ANKRD44: variants seen among roughly 807,000 people sequenced by gnomAD.
ANKRD44 encodes the protein serine/threonine-protein phosphatase 6 regulatory ankyrin repeat subunit B.
In ANKRD44, 35 loss-of-function variants were observed where a neutral mutation model predicts 116.0. The observed-to-expected ratio is 0.30, with a 90% confidence interval of 0.23 to 0.40. The LOEUF (loss-of-function observed/expected upper bound fraction) is 0.40, where lower values mean the gene tolerates loss of function less well. ANKRD44 is among the 10% of genes least tolerant of loss of function. The probability of loss-of-function intolerance (pLI) is 1.00; values close to 1 mark genes in which losing one functional copy is unlikely to be tolerated. For synonymous variants in ANKRD44, 435 were observed against 461.8 expected, an observed-to-expected ratio of 0.94 and a Z score of 0.74; for missense variants, 1,014 against 1,242.6, an observed-to-expected ratio of 0.82 and a Z score of 2.77.
chr2:197,098,733 C>T (rs1472613307), intron 10 of ANKRD44, among the ~76,000 whole-genome samples: 1 of 152,128 alleles, frequency 6.6e-6, no homozygotes, highest in East Asian at 1.9e-4. Flanking sequence ...TTACCAGATA[C>T]CAAAGAGCTT....
At chr2:197,271,153 C>A (rs2082887769) in intron 1 of ANKRD44, among the ~76,000 whole-genome samples, 1 of 152,154 alleles carries the variant, frequency 6.6e-6, no homozygotes, top group African/African-American at 2.4e-5. Flanking sequence ...GGTCTGGACA[C>A]ACAAAAACAT....
chr2:197,183,192 A>G (rs1232028591), intron 2 of ANKRD44, among the ~76,000 whole-genome samples: 1 of 152,178 alleles, frequency 6.6e-6, no homozygotes, highest in African/African-American at 2.4e-5. Context: ...GGATCAGTTA[A>G]TGAATGGGTG....
rs536981769 is a variant in ANKRD44, at chr2:197,206,580, G to A, written c.28-19474C>T. Among the ~76,000 whole-genome samples the A allele has an allele frequency of 5.3e-5, 8 of 152,266 alleles. No homozygotes were observed. The East Asian group carries it at 1.4e-3, about 26-fold the overall frequency. ...CGCCTGTAATCCCAGCTACTCGGGA[G>A]GCTGAGGTAGGAGAATGGCTTGAAC... On this transcript the variant is annotated intron_variant, in intron 1 of 27. Coordinates refer to ENST00000282272, the MANE Select transcript of ANKRD44 (RefSeq NM_001195144.2).
At chr2:197,294,542 AC>A (rs1269298829) in intron 1 of ANKRD44, among the ~76,000 whole-genome samples, 6 of 151,998 alleles carry the variant, frequency 3.9e-5, no homozygotes, top group Non-Finnish European at 8.8e-5. Flanking sequence ...AACACTGGAA[AC>A]CACACACACA....
chr2:197,154,240 C>T (rs1250771297), intron 2 of ANKRD44, among the ~76,000 whole-genome samples: 6 of 136,354 alleles, frequency 4.4e-5, no homozygotes, highest in Non-Finnish European at 9.1e-5. Flanking sequence ...AGTGCAGTGG[C>T]GCGATCTCGG....
chr2:197,154,175 T>A (rs981433647), intron 2 of ANKRD44, among the ~76,000 whole-genome samples: 17 of 108,060 alleles, frequency 1.6e-4, no homozygotes, highest in African/African-American at 9.8e-4. Context: ...ATCGGCTTTC[T>A]TTTTTTTTTT....
chr2:197,090,141 G>A, intron 10 of ANKRD44, 109 bp from the exon 11 acceptor site: 1 of 780,362 alleles, frequency 1.3e-6, no homozygotes, highest in Non-Finnish European at 2.2e-6. Flanking sequence ...ACCTTGTGTA[G>A]GGAGTCTTGG....
chr2:197,058,371 G>A (rs978431915), intron 16 of ANKRD44, among the ~76,000 whole-genome samples: 1 of 147,774 alleles, frequency 6.8e-6, no homozygotes, highest in Non-Finnish European at 1.5e-5. Flanking sequence ...TCACAGAGGT[G>A]TTCTCCCCGC....
chr2:197,238,322 C>G (rs2082018059), intron 1 of ANKRD44, among the ~76,000 whole-genome samples: 1 of 129,742 alleles, frequency 7.7e-6, no homozygotes, highest in African/African-American at 2.4e-5. Flanking sequence ...TCCTGACACT[C>G]TACCGTAAAA....
At chr2:197,177,841 T>G (rs1421012662) in intron 2 of ANKRD44, among the ~76,000 whole-genome samples, 3 of 152,186 alleles carry the variant, frequency 2.0e-5, no homozygotes, top group South Asian at 2.1e-4. Context: ...TTGAAGAGCT[T>G]ACCTTTCAAT....
intron 27 of ANKRD44, chr2:196,989,922 G>T: frequency 2.7e-6 from 3 of 1,108,758 alleles, no homozygotes; most frequent in Non-Finnish European, 3.3e-6. Flanking sequence ...TACTATTTTT[G>T]CATATTGTGT....
intron 1 of ANKRD44, among the ~76,000 whole-genome samples, chr2:197,254,726 A>G (rs960683373): frequency 6.7e-6 from 1 of 150,312 alleles, no homozygotes; most frequent in Non-Finnish European, 1.5e-5. Context: ...CTGTGTGTGT[A>G]TATGTGTGTA....
At chr2:197,184,916 AC>A (rs2080616260) in intron 2 of ANKRD44, among the ~76,000 whole-genome samples, 1 of 152,164 alleles carries the variant, frequency 6.6e-6, no homozygotes, top group East Asian at 1.9e-4. Flanking sequence ...GGCTCCCCTA[AC>A]CTTTACCAGC....
At chr2:197,000,309 G>A (rs983146795) in intron 23 of ANKRD44, 110 bp downstream of exon 23, 2 of 824,658 alleles carry the variant, frequency 2.4e-6, no homozygotes, top group Non-Finnish European at 3.9e-6. Flanking sequence ...TAAAAACCAT[G>A]CTTATCCATT....
chr2:197,266,008 A>G (rs2082731829), intron 1 of ANKRD44, among the ~76,000 whole-genome samples: 1 of 152,154 alleles, frequency 6.6e-6, no homozygotes, highest in South Asian at 2.1e-4. Flanking sequence ...AGTAAAAATA[A>G]TAAATCAAAT....
At chr2:197,082,996 T>C (rs1441716638) in intron 14 of ANKRD44, among the ~76,000 whole-genome samples, 1 of 152,252 alleles carries the variant, frequency 6.6e-6, no homozygotes, top group East Asian at 1.9e-4. Flanking sequence ...CATGGGTGGA[T>C]GTTTTTGACA....
chr2:197,273,978 A>T (rs888530426), intron 1 of ANKRD44, among the ~76,000 whole-genome samples: 15,699 of 49,688 alleles, frequency 0.32, 2,757 homozygotes, highest in Middle Eastern at 0.41. Flanking sequence ...AAAAAAAAAA[A>T]AAATATATAT....
intron 17 of ANKRD44, chr2:197,015,421 G>A (rs879451043): frequency 1.1e-5 from 6 of 550,706 alleles, no homozygotes; most frequent in Non-Finnish European, 2.0e-5. Context: ...TCATGCTACA[G>A]TTGATAAAAC....
intron 2 of ANKRD44, among the ~76,000 whole-genome samples, chr2:197,177,118 T>C (rs1338461691): frequency 7.9e-5 from 12 of 152,212 alleles, no homozygotes; most frequent in South Asian, 2.1e-4. Context: ...AATCTGGGTA[T>C]GTGGTTACCT....
Sources: allele counts gnomAD v4.1 joint callset (sites outside exome capture counted in the v4.1 genomes callset), GRCh38; gene constraint gnomAD v4.1.1; transcripts MANE v1.5; gene names NCBI Gene and HGNC (gene_info 2026-07-23, HGNC 2026-07-21).